The following TRIL variants were observed in gnomAD, a reference collection of about 807,000 sequenced individuals.
TRIL encodes TLR4 interactor with leucine rich repeats.
A neutral mutation model predicts 43.0 loss-of-function variants in TRIL; 23 were observed. The observed-to-expected ratio is 0.54, with a 90% CI of 0.39 to 0.76. The LOEUF (loss-of-function observed/expected upper bound fraction) is 0.76, where lower values mean the gene tolerates loss of function less well. Ranked by LOEUF, TRIL falls within the 30% of genes least tolerant of loss-of-function variation. TRIL has a pLI of 0.00. For missense variants in TRIL, 1,114 were observed against 1,139.3 expected, an observed-to-expected ratio of 0.98 and a Z score of 0.32; for synonymous variants, 602 against 556.8, an observed-to-expected ratio of 1.08 and a Z score of -1.14.
chr7:28,958,208 G>A lies in TRIL; in HGVS notation c.-162C>T. On this transcript the variant is annotated 5_prime_UTR_variant, in exon 1 of 1. Coordinates refer to ENST00000539664, the MANE Select transcript of TRIL (RefSeq NM_014817.4). ...CCGTCCTTTGTCCGGAGGCCGGCCC[G>A]GGTCTCTGCAGGCGGGCTTCGCCCG... 2 of 1,106,770 alleles carry A rather than the reference G, an allele frequency of 1.8e-6. No individual in the cohort carries two copies. The highest frequency in any genetic ancestry group is 3.8e-5 in the South Asian group (2 of 52,864). The allele number at this position is 1,106,770 out of a possible 1,614,324, so 68.6% of individuals were successfully genotyped here. A position where few individuals can be genotyped will look rare whatever the true frequency, so the allele number is the denominator to read the frequency against.
chr7:28,955,483 T>G lies in TRIL; in HGVS notation c.*128A>C. On this transcript the variant is annotated 3_prime_UTR_variant, in exon 1 of 1. Coordinates refer to ENST00000539664, the MANE Select transcript of TRIL (RefSeq NM_014817.4). ...TGGGAATTGGGGGATGGTGCCCGAA[T>G]TGGCCCTCTGTCCCCACCGGCCTCT... 7.5e-7 allele frequency: 1 copy of G among 1,328,612 alleles called. No homozygotes were observed. The highest frequency in any genetic ancestry group is 9.9e-7 in the Non-Finnish European group (1 of 1,005,128). The allele number at this position is 1,328,612 out of a possible 1,614,324, so 82.3% of individuals were successfully genotyped here.
In TRIL at chr7:28,953,912, A is replaced by T. The variant is rs528231619; in HGVS notation, c.*1699T>A. 6.5e-6 allele frequency: 1 copy of T among 152,790 alleles called. No homozygotes were observed. The highest frequency in any genetic ancestry group is 2.4e-5 in the African/African-American group (1 of 41,570). 9.5% of individuals were successfully genotyped at this position (152,790 alleles called of 1,614,324 possible). On this transcript the variant is annotated 3_prime_UTR_variant, in exon 1 of 1. Transcript: ENST00000539664. ...TTGAGAAGAGGGCAGGCATGGGTCA[A>T]TCTAGGCCAAACATAAAAGGAGTGA...
Position 28,955,497 on chromosome 7 carries a change from C to T in TRIL, c.*114G>A. The T allele has an allele frequency of 7.1e-7, 1 of 1,399,118 alleles. No homozygotes were observed. The highest frequency in any genetic ancestry group is 9.4e-7 in the Non-Finnish European group (1 of 1,067,392). The allele number at this position is 1,399,118 out of a possible 1,614,324, so 86.7% of individuals were successfully genotyped here. On this transcript the variant is annotated 3_prime_UTR_variant, in exon 1 of 1. Transcript: ENST00000539664. ...TGGTGCCCGAATTGGCCCTCTGTCC[C>T]CACCGGCCTCTCTGGCAAGTGCACA... is the stretch of plus-strand genomic sequence containing the variant.
In TRIL at chr7:28,958,064, G is replaced by A; in HGVS notation, c.-18C>T. The A allele has an allele frequency of 2.7e-6, 4 of 1,482,164 alleles. No individual in the cohort carries two copies. Among genetic ancestry groups the A allele is most frequent in the Non-Finnish European group, 3.6e-6 (4 of 1,122,334 alleles). The allele number at this position is 1,482,164 out of a possible 1,614,324, so 91.8% of individuals were successfully genotyped here. On this transcript the variant is annotated 5_prime_UTR_variant, in exon 1 of 1. Transcript: ENST00000539664. ...GCCTCCATCGCCTCCCGCCCTGCGT[G>A]CAGCGGCCGGATCGTCCTCTTGGCC...
chr7:28,956,660 G>A lies in TRIL; in HGVS notation c.1387C>T (p.Leu463=), dbSNP rs753604837. ...GCCCCATCCCAGGCCACCCCAGCTA[G>A]AAATCGCCCCTGCTGCTGGAGCTGC... The part of the protein sequence containing the change: ...QPQLQQQGRF[L]AGVAWDGAAR... Residue 463 remains leucine, a synonymous_variant, in exon 1 of 1, where the codon CTA becomes TTA. Transcript: ENST00000539664. The A allele has an allele frequency of 3.7e-5, 58 of 1,576,338 alleles. No individual in the cohort carries two copies. Among genetic ancestry groups the A allele is most frequent in the Non-Finnish European group, 4.4e-5 (51 of 1,164,882 alleles).
chr7:28,954,841 T>G lies in TRIL; in HGVS notation c.*770A>C, dbSNP rs140001125. 2.0e-4 allele frequency: 31 copies of G among 152,328 alleles called. 2 individuals carry two copies. Among genetic ancestry groups the G allele is most frequent in the African/African-American group, 7.5e-4 (31 of 41,572 alleles). The allele number at this position is 152,328 out of a possible 1,614,324, so 9.4% of individuals were successfully genotyped here. A position where few individuals can be genotyped will look rare whatever the true frequency, so the allele number is the denominator to read the frequency against. On this transcript the variant is annotated 3_prime_UTR_variant, in exon 1 of 1. Transcript: ENST00000539664. Reference sequence around the variant, plus strand: ...CACAGGAGCAACCCTGACAGAGAAGTCTTGCATGCAGCCTTCTCCTGAGAA... The same window carrying G: ...CACAGGAGCAACCCTGACAGAGAAGGCTTGCATGCAGCCTTCTCCTGAGAA...
Position 28,957,336 on chromosome 7 carries a change from C to G in TRIL, c.711G>C (p.Ser237=). 6.2e-7 allele frequency: 1 copy of G among 1,612,474 alleles called. No homozygotes were observed. Among genetic ancestry groups the G allele is most frequent in the Non-Finnish European group, 8.5e-7 (1 of 1,179,680 alleles). The change falls in exon 1 of 1, where the codon TCG becomes TCC. Residue 237 remains serine, a synonymous_variant. Transcript: ENST00000539664. Reference sequence around the variant, plus strand: ...GCCCGAGGTGCTGCAGGTTGTTGGCCGAGAGGATGAGGGAGGAGAGGGAGC... The same window carrying G: ...GCCCGAGGTGCTGCAGGTTGTTGGCGGAGAGGATGAGGGAGGAGAGGGAGC... ...PLRSLSSLIL[S]ANNLQHLGPR...
At position 28,955,597 on chromosome 7, in the gene TRIL, T is replaced by C. The variant is rs1270057601; in HGVS notation, c.*14A>G. 16 of 1,522,058 alleles carry C rather than the reference T, an allele frequency of 1.1e-5. No homozygotes were observed. Among genetic ancestry groups the C allele is most frequent in the South Asian group, 1.2e-5 (1 of 80,504 alleles). The allele number at this position is 1,522,058 out of a possible 1,614,324, so 94.3% of individuals were successfully genotyped here. A position where few individuals can be genotyped will look rare whatever the true frequency, so the allele number is the denominator to read the frequency against. On this transcript the variant is annotated 3_prime_UTR_variant, in exon 1 of 1. Transcript: ENST00000539664. ...TCCTTAGGGCCAATGAGATGGTCTCTATATGCCCTGGACCTAGTCGGCAAA... is the reference window on the plus strand; with the variant it reads ...TCCTTAGGGCCAATGAGATGGTCTCCATATGCCCTGGACCTAGTCGGCAAA...
At position 28,956,107 on chromosome 7, in the gene TRIL, G is replaced by A. The variant is rs920170072; in HGVS notation, c.1940C>T (p.Thr647Met). Residue 647 changes from threonine (T) to methionine (M), a missense_variant, in exon 1 of 1, where the codon ACG becomes ATG. Physicochemically the swap from Thr to Met is moderately conservative, Grantham distance 81. Transcript: ENST00000539664. The stretch of plus-strand genomic sequence containing the variant: ...GGTGTCCCCGCGCAGCTCGCGCAGC[G>A]TGGCCGAGTCGCTGCTCTCAGGCAG... Reference protein sequence around the residue: ...VYLPESSDSATLRELRGDTPY... With the variant: ...VYLPESSDSAMLRELRGDTPY... The A allele has an allele frequency of 2.6e-6, 4 of 1,558,672 alleles. No individual in the cohort carries two copies. The African/African-American group carries it at 4.1e-5, about 16-fold the overall frequency.
Position 28,954,924 on chromosome 7 carries a change from A to G in TRIL, c.*687T>C, listed in dbSNP as rs1189987626. The G allele has an allele frequency of 6.6e-6, 1 of 152,216 alleles. No individual in the cohort carries two copies. Among genetic ancestry groups the G allele is most frequent in the Non-Finnish European group, 1.5e-5 (1 of 68,038 alleles). The allele number at this position is 152,216 out of a possible 1,614,324, so 9.4% of individuals were successfully genotyped here. A position where few individuals can be genotyped will look rare whatever the true frequency, so the allele number is the denominator to read the frequency against. On this transcript the variant is annotated 3_prime_UTR_variant, in exon 1 of 1. Coordinates refer to ENST00000539664, the MANE Select transcript of TRIL (RefSeq NM_014817.4). ...AAGCGCTCTTGTACTGTTAATATTA[A>G]AAGGAACATAATAAAATGGCCCAGT...
chr7:28,957,082 C>A lies in TRIL; in HGVS notation c.965G>T (p.Gly322Val). ...GAGCTCGCGCAGCCGGCCCAGGTGG[C>A]CGAAGGTGGCCGGGTGCAGGGCGGA... ...ELSALHPATF[G>V]HLGRLRELSL... Residue 322 changes from glycine (G) to valine (V), a missense_variant, in exon 1 of 1, where the codon GGC (glycine) becomes GTC (valine). Coordinates refer to ENST00000539664, the MANE Select transcript of TRIL (RefSeq NM_014817.4). The A allele has an allele frequency of 1.3e-6, 2 of 1,571,910 alleles. No individual in the cohort carries two copies. Among genetic ancestry groups the A allele is most frequent in the Non-Finnish European group, 1.7e-6 (2 of 1,162,064 alleles).
rs1020701422 is a variant in TRIL, at chr7:28,954,887, C to T, written c.*724G>A. 1 of 152,114 alleles carries T rather than the reference C, an allele frequency of 6.6e-6. No individual in the cohort carries two copies. The highest frequency in any genetic ancestry group is 2.4e-5 in the African/African-American group (1 of 41,408). 9.4% of individuals were successfully genotyped at this position (152,114 alleles called of 1,614,324 possible). A position where few individuals can be genotyped will look rare whatever the true frequency, so the allele number is the denominator to read the frequency against. ...GAGAAAGTATGTAATCTTAGTTATC[C>T]TCGAAGTCAGCAAGCGCTCTTGTAC... On this transcript the variant is annotated 3_prime_UTR_variant, in exon 1 of 1. Transcript: ENST00000539664.
rs1312537260 is a variant in TRIL at position 28,958,008 on chromosome 7, C to T, written c.39G>A (p.Val13=). ...AARALRLLLV[V]CGCLALPPLA... ...GCGGCGGGAGCGCGAGGCAGCCGCACACCACGAGCAGGAGGCGCAAGGCGC... is the reference window on the plus strand; with the variant it reads ...GCGGCGGGAGCGCGAGGCAGCCGCATACCACGAGCAGGAGGCGCAAGGCGC... The change falls in exon 1 of 1, where the codon GTG becomes GTA. Residue 13 remains valine, a synonymous_variant. Coordinates refer to ENST00000539664, the MANE Select transcript of TRIL (RefSeq NM_014817.4). The T allele has an allele frequency of 6.3e-7, 1 of 1,591,644 alleles. No individual in the cohort carries two copies. The highest frequency in any genetic ancestry group is 8.5e-7 in the Non-Finnish European group (1 of 1,175,096).
chr7:28,958,266 C>T lies in TRIL; in HGVS notation c.-220G>A. 1 of 558,224 alleles carries T rather than the reference C, an allele frequency of 1.8e-6. No homozygotes were observed. The highest frequency in any genetic ancestry group is 3.1e-6 in the Non-Finnish European group (1 of 323,930). The allele number at this position is 558,224 out of a possible 1,614,324, so 34.6% of individuals were successfully genotyped here. ...CAGGCGGCGCGGGGCGCTCTGCAGACCCCGGGTACTACTTGTTGCATTTCT... is the reference window on the plus strand; with the variant it reads ...CAGGCGGCGCGGGGCGCTCTGCAGATCCCGGGTACTACTTGTTGCATTTCT... On this transcript the variant is annotated 5_prime_UTR_variant, in exon 1 of 1. Coordinates refer to ENST00000539664, the MANE Select transcript of TRIL (RefSeq NM_014817.4).
At position 28,957,959 on chromosome 7, in the gene TRIL, G is replaced by C; in HGVS notation, c.88C>G (p.Arg30Gly). ...TGCTGGGGATGCTGGCAGTCGCAGC[G>C]CTCCGGGCACACGGGCTCGGCCAGC... The part of the protein sequence containing the change: ...PPLAEPVCPE[R>G]CDCQHPQHLL... The change falls in exon 1 of 1, where the codon CGC (arginine) becomes GGC (glycine). Residue 30 changes from arginine (R) to glycine (G), a missense_variant. Coordinates refer to ENST00000539664, the MANE Select transcript of TRIL (RefSeq NM_014817.4). The C allele has an allele frequency of 6.2e-7, 1 of 1,605,934 alleles. No individual in the cohort carries two copies. The highest frequency in any genetic ancestry group is 8.5e-7 in the Non-Finnish European group (1 of 1,179,602).
Position 28,956,063 on chromosome 7 carries a change from CCACG to C in TRIL, c.1980_1983del (p.Cys660TrpfsTer38). 1 of 1,551,472 alleles carries C rather than the reference CCACG, an allele frequency of 6.4e-7. No homozygotes were observed. Among genetic ancestry groups the C allele is most frequent in the Non-Finnish European group, 8.7e-7 (1 of 1,151,798 alleles). On this transcript the variant is annotated frameshift_variant, in exon 1 of 1. Transcript: ENST00000539664. LOFTEE classifies it high-confidence loss of function. The stretch of plus-strand genomic sequence containing the variant: ...CAGACACGGCCCCCAAGCACGCCCT[CCACG>C]CACACCAGGTAGGGGGTGTCCCCGC...
chr7:28,957,669 C>A lies in TRIL; in HGVS notation c.378G>T (p.Thr126=). The change falls in exon 1 of 1, where the codon ACG becomes ACT. Residue 126 remains threonine (T), a synonymous_variant. Coordinates refer to ENST00000539664, the MANE Select transcript of TRIL (RefSeq NM_014817.4). ...TGCGCAGCTTGCGCAGCGGGGCCAG[C>A]GTGCCCGGGGCGAGCGCCTGCAAGA... The part of the protein sequence containing the change: ...NNLLQALAPG[T]LAPLRKLRIL... 1.2e-6 allele frequency: 2 copies of A among 1,609,194 alleles called. No homozygotes were observed. The highest frequency in any genetic ancestry group is 1.7e-4 in the Middle Eastern group (1 of 6,050).
Position 28,955,582 on chromosome 7 carries a change from C to T in TRIL, c.*29G>A, listed in dbSNP as rs1396327219. 1.3e-6 allele frequency: 2 copies of T among 1,485,796 alleles called. No homozygotes were observed. Among genetic ancestry groups the T allele is most frequent in the Admixed American group, 2.2e-5 (1 of 45,710 alleles). 92.0% of individuals were successfully genotyped at this position (1,485,796 alleles called of 1,614,324 possible). A position where few individuals can be genotyped will look rare whatever the true frequency, so the allele number is the denominator to read the frequency against. On this transcript the variant is annotated 3_prime_UTR_variant, in exon 1 of 1. Transcript: ENST00000539664. ...TCACGGAGAGGCGGCTCCTTAGGGC[C>T]AATGAGATGGTCTCTATATGCCCTG...
chr7:28,956,561 G>C lies in TRIL; in HGVS notation c.1486C>G (p.Pro496Ala). 3 of 1,559,900 alleles carry C rather than the reference G, an allele frequency of 1.9e-6. No individual in the cohort carries two copies. The highest frequency in any genetic ancestry group is 2.6e-6 in the Non-Finnish European group (3 of 1,160,694). The change falls in exon 1 of 1, where the codon CCC becomes GCC. Residue 496 changes from proline (P) to alanine (A), a missense_variant. Physicochemically the swap from Pro to Ala is conservative, Grantham distance 27. Coordinates refer to ENST00000539664, the MANE Select transcript of TRIL (RefSeq NM_014817.4). ...RRGPGLQQPS[P>A]SVAAAAGPAP... The stretch of plus-strand genomic sequence containing the variant: ...GGGCCCGCGGCGGCAGCGACGGAGG[G>C]GCTGGGCTGCTGGAGGCCCGGGCCC...
Sources: allele counts gnomAD v4.1 joint callset, GRCh38; gene constraint gnomAD v4.1.1; transcripts MANE v1.5; gene names NCBI Gene and HGNC (gene_info 2026-07-23, HGNC 2026-07-21).